The following TLK1 variants were observed in gnomAD, a reference collection of about 807,000 sequenced individuals.
The protein encoded by TLK1 is tousled like kinase 1, also known as serine/threonine-protein kinase tousled-like 1.
TLK1 carries 24 observed loss-of-function variants against 105.3 expected under a neutral mutation model. The observed-to-expected ratio is 0.23, with a 90% CI of 0.17 to 0.32. The LOEUF is 0.32. Ranked by LOEUF, TLK1 falls within the 10% of genes least tolerant of loss-of-function variation. The pLI, the probability that TLK1 is intolerant of heterozygous loss-of-function variation, is 1.00. For synonymous variants in TLK1, 321 were observed against 310.4 expected, an observed-to-expected ratio of 1.03 and a Z score of -0.36; for missense variants, 558 against 910.5, an observed-to-expected ratio of 0.61 and a Z score of 4.98.
chr2:171,059,062 C>G (rs1347099759), intron 4 of TLK1, among the ~76,000 whole-genome samples: 1 of 152,142 alleles, frequency 6.6e-6, no homozygotes, highest in Non-Finnish European at 1.5e-5. Flanking sequence ...TAAATTCCTT[C>G]TTGGAACAAG....
intron 1 of TLK1, among the ~76,000 whole-genome samples, chr2:171,171,491 C>T (rs1252638076): frequency 6.8e-6 from 1 of 146,452 alleles, no homozygotes; most frequent in African/African-American, 2.5e-5. Context: ...GACTCTTACA[C>T]TGCCCTCATC....
At chr2:171,138,180 C>G (rs1321526486) in intron 1 of TLK1, among the ~76,000 whole-genome samples, 1 of 152,090 alleles carries the variant, frequency 6.6e-6, no homozygotes, top group East Asian at 1.9e-4. Context: ...AAAATGTTTG[C>G]TTATATCAAG....
chr2:171,207,677 G>A (rs950313030), intron 1 of TLK1, among the ~76,000 whole-genome samples: 2 of 152,078 alleles, frequency 1.3e-5, no homozygotes, highest in Non-Finnish European at 2.9e-5. Flanking sequence ...TCCTAAAAGG[G>A]CTCTAAAAAT....
intron 1 of TLK1, among the ~76,000 whole-genome samples, chr2:171,174,097 A>G (rs1266186179): frequency 6.6e-6 from 1 of 152,158 alleles, no homozygotes; most frequent in East Asian, 1.9e-4. Context: ...CTTTCCAACT[A>G]GTCTTTCTAG....
chr2:171,023,945 A>G (rs958344863), intron 12 of TLK1, among the ~76,000 whole-genome samples: 1 of 152,202 alleles, frequency 6.6e-6, no homozygotes, highest in Non-Finnish European at 1.5e-5. Context: ...CTGATCAACT[A>G]TAAGAGCAAA....
At position 171,109,789 on chromosome 2, in the gene TLK1, A is replaced by G. The variant is rs553389408; in HGVS notation, c.258+7950T>C. ...TGGTATATCCATACAGTGGAATTCT[A>G]TTCAGCAACAAAAAGAATTAACTAC... On this transcript the variant is annotated intron_variant, in intron 2 of 20. Coordinates refer to ENST00000431350, the MANE Select transcript of TLK1 (RefSeq NM_012290.5). Among the ~76,000 whole-genome samples the G allele has an allele frequency of 2.0e-5, 3 of 152,378 alleles. No individual in the cohort carries two copies. The East Asian group carries it at 5.8e-4, about 29-fold the overall frequency.
At chr2:171,004,276 T>C (rs1337373015) in intron 18 of TLK1, among the ~76,000 whole-genome samples, 1 of 152,178 alleles carries the variant, frequency 6.6e-6, no homozygotes, top group African/African-American at 2.4e-5. Context: ...TTTTTCAATA[T>C]TTCTAGGCTA....
At chr2:171,099,022 A>G (rs926825326) in intron 2 of TLK1, among the ~76,000 whole-genome samples, 4 of 152,186 alleles carry the variant, frequency 2.6e-5, no homozygotes, top group Non-Finnish European at 4.4e-5. Flanking sequence ...AGATGACAAT[A>G]TATGTGCTCT....
At chr2:171,040,631 C>A (rs147399267) in intron 11 of TLK1, among the ~76,000 whole-genome samples, 1,648 of 137,210 alleles carry the variant, frequency 0.012, 72 homozygotes, top group Admixed American at 0.084. Flanking sequence ...GAGTGGAGTG[C>A]AGTAATGCAA....
At chr2:171,040,054 G>A (rs1471804553) in intron 11 of TLK1, among the ~76,000 whole-genome samples, 1 of 152,020 alleles carries the variant, frequency 6.6e-6, no homozygotes, top group African/African-American at 2.4e-5. Flanking sequence ...ATGTGTGTCT[G>A]TGTATAGAAG....
At chr2:171,026,876 T>C (rs529679337) in intron 12 of TLK1, among the ~76,000 whole-genome samples, 1 of 152,228 alleles carries the variant, frequency 6.6e-6, no homozygotes, top group African/African-American at 2.4e-5. Flanking sequence ...TAGACTTAAG[T>C]TGTCAACTAA....
At chr2:171,012,017 G>A (rs1167274642) in intron 13 of TLK1, among the ~76,000 whole-genome samples, 1 of 151,558 alleles carries the variant, frequency 6.6e-6, no homozygotes, top group African/African-American at 2.4e-5. Context: ...CCATATATAG[G>A]CTGAGTATCC....
intron 11 of TLK1, among the ~76,000 whole-genome samples, chr2:171,032,390 T>C (rs565261570): frequency 6.6e-6 from 1 of 152,248 alleles, no homozygotes; most frequent in South Asian, 2.1e-4. Context: ...TAAATAAATT[T>C]GGCAAAGCTG....
rs1482354930 is a variant in TLK1, at chr2:171,160,285, C to T, written c.139+5G>A. ...GCGAGCGGGCGCGGGCGCGGCGGTG[C>T]TTACCTTCCCTGGGCCTCCCGGATG... On this transcript the variant is annotated splice_donor_5th_base_variant and intron_variant, in intron 1 of 20. Coordinates refer to ENST00000431350, the MANE Select transcript of TLK1 (RefSeq NM_012290.5). This position sits in a 1 kb window ranked among gnomAD's most constrained non-coding sequence, Gnocchi z 4.4. 23 of 1,557,582 alleles carry T rather than the reference C, an allele frequency of 1.5e-5. No homozygotes were observed. The East Asian group carries it at 2.4e-4, about 16-fold the overall frequency.
intron 1 of TLK1, among the ~76,000 whole-genome samples, chr2:171,221,282 T>C (rs1693805885): frequency 1.3e-5 from 2 of 152,146 alleles, no homozygotes; most frequent in African/African-American, 4.8e-5. Flanking sequence ...GGAACTACCC[T>C]GAAAGGACAG....
At chr2:171,138,249 T>C (rs984562957) in intron 1 of TLK1, among the ~76,000 whole-genome samples, 13 of 152,194 alleles carry the variant, frequency 8.5e-5, no homozygotes, top group African/African-American at 3.1e-4. Flanking sequence ...AGTTAACTTA[T>C]TAACATAAAA....
At chr2:170,994,059 G>C in intron 20 of TLK1, 103 bp from the exon 21 acceptor site, 2 of 1,241,342 alleles carry the variant, frequency 1.6e-6, no homozygotes, top group Non-Finnish European at 2.1e-6. Context: ...GACATAAGTA[G>C]ATCTCATTTT....
At chr2:171,187,057 C>CAAAAAAAAAA (rs71013019) in intron 1 of TLK1, among the ~76,000 whole-genome samples, 3 of 34,046 alleles carry the variant, frequency 8.8e-5, no homozygotes, top group African/African-American at 2.7e-4. Flanking sequence ...GACTCTGTCT[C>CAAAAAAAAAA]AAAAAAAAAA....
chr2:171,133,616 C>CT (rs1691191424), intron 1 of TLK1, among the ~76,000 whole-genome samples: 1 of 151,602 alleles, frequency 6.6e-6, no homozygotes, highest in Non-Finnish European at 1.5e-5. Context: ...ATAAAATAAG[C>CT]TTTTTTAAAA....
Sources: allele counts gnomAD v4.1 joint callset (sites outside exome capture counted in the v4.1 genomes callset), GRCh38; gene constraint gnomAD v4.1.1; non-coding constraint Gnocchi (gnomAD v3.1); transcripts MANE v1.5; gene names NCBI Gene and HGNC (gene_info 2026-07-23, HGNC 2026-07-21).